DOCK8: variants seen among roughly 807,000 people sequenced by gnomAD.
DOCK8 encodes the protein dedicator of cytokinesis 8.
DOCK8 carries 141 observed loss-of-function variants against 245.6 expected under a neutral mutation model. The observed-to-expected ratio is 0.57, with a 90% CI of 0.50 to 0.66. The LOEUF is 0.66. DOCK8 is among the 30% of genes least tolerant of loss of function. DOCK8 has a pLI of 0.00. For missense variants in DOCK8, 2,965 were observed against 2,603.4 expected (o/e 1.14, Z -3.02); for synonymous variants, 1,168 against 970.2 (o/e 1.20, Z -3.79).
intron 1 of DOCK8, among the ~76,000 whole-genome samples, chr9:266,641 T>C (rs944796786): frequency 5.3e-5 from 8 of 152,162 alleles, no homozygotes; most frequent in Non-Finnish European, 8.8e-5. Context: ...GTAGTCCCAA[T>C]TGTATATCAT....
intron 14 of DOCK8, chr9:366,586 C>T (rs1318836751): frequency 6.6e-6 from 1 of 152,154 alleles, no homozygotes; most frequent in Non-Finnish European, 1.5e-5. Flanking sequence ...CAAATAATTT[C>T]TCAGAATGTT....
chr9:452,599 A>G (rs2131891821), intron 46 of DOCK8: 1 of 153,344 alleles, frequency 6.5e-6, no homozygotes, highest in South Asian at 2.0e-4. Context: ...CAATGTGCTG[A>G]TATTCCACTG....
chr9:413,854 C>G (rs538184843), intron 28 of DOCK8, among the ~76,000 whole-genome samples: 1 of 152,174 alleles, frequency 6.6e-6, no homozygotes, highest in Non-Finnish European at 1.5e-5. Context: ...AAAAGTTAAA[C>G]AGAGGCTGGG....
At chr9:426,854 C>A (rs772190813) in intron 33 of DOCK8, 31 bp from the exon 34 acceptor site, 18 of 1,591,564 alleles carry the variant, frequency 1.1e-5, no homozygotes, top group Admixed American at 1.7e-5. Context: ...GTTTGACATG[C>A]GCTTTAATTT....
chr9:233,012 C>G (rs2047155186), intron 1 of DOCK8, among the ~76,000 whole-genome samples: 1 of 152,042 alleles, frequency 6.6e-6, no homozygotes. Context: ...TGGATCTTTC[C>G]TGCTTTCTCT....
intron 1 of DOCK8, among the ~76,000 whole-genome samples, chr9:226,862 C>T (rs1051490171): frequency 6.6e-6 from 1 of 152,040 alleles, no homozygotes. Flanking sequence ...AAGTCAATAC[C>T]AAACATATTT....
chr9:288,036 A>G (rs545768367), intron 3 of DOCK8, among the ~76,000 whole-genome samples: 1 of 151,674 alleles, frequency 6.6e-6, no homozygotes, highest in Non-Finnish European at 1.5e-5. Flanking sequence ...AAACAGTACA[A>G]TGAATTTAGA....
intron 37 of DOCK8, among the ~76,000 whole-genome samples, chr9:432,885 ACAGT>A (rs1223263553): frequency 1.3e-5 from 2 of 152,176 alleles, no homozygotes; most frequent in Non-Finnish European, 2.9e-5. Context: ...ATGTGTAAGG[ACAGT>A]CATCTCTTCC....
At chr9:273,032 A>G (rs956827872) in intron 2 of DOCK8, 2 of 985,462 alleles carry the variant, frequency 2.0e-6, no homozygotes, top group Non-Finnish European at 2.4e-6. Flanking sequence ...CCTTCCGCTC[A>G]GTTTCCGGTA....
intron 1 of DOCK8, among the ~76,000 whole-genome samples, chr9:267,202 GTTTGTT>G (rs757865795): frequency 1.3e-5 from 2 of 152,134 alleles, no homozygotes; most frequent in Non-Finnish European, 2.9e-5. Context: ...TATGCAATTT[GTTTGTT>G]TTTGTTTTTG....
intron 2 of DOCK8, among the ~76,000 whole-genome samples, chr9:283,720 G>C (rs183436859): frequency 1.6e-4 from 25 of 152,238 alleles, no homozygotes; most frequent in Non-Finnish European, 2.6e-4. Flanking sequence ...CAAGAGACAT[G>C]ATTTCATTCT....
At chr9:294,243 A>G (rs2130432566) in intron 4 of DOCK8, among the ~76,000 whole-genome samples, 1 of 152,368 alleles carries the variant, frequency 6.6e-6, no homozygotes, top group African/African-American at 2.4e-5. Context: ...TGCAAATAAT[A>G]CTGAAACAAA....
rs1306465326 is a variant in DOCK8 at position 405,003 on chromosome 9, T to C, written c.3320T>C (p.Leu1107Pro). Residue 1107 changes from leucine to proline, a missense_variant, in exon 27 of 48, where the codon CTC (leucine) becomes CCC (proline). Coordinates refer to ENST00000432829, the MANE Select transcript of DOCK8 (RefSeq NM_203447.4). ...ATCCTCTGTAGCCATGAGCATTACC[T>C]CAATCTGAACCTTTTTTTTATGAAT... The part of the protein sequence containing the change: ...LRILCSHEHY[L>P]NLNLFFMNAD... The C allele has an allele frequency of 6.2e-7, 1 of 1,614,028 alleles. No individual in the cohort carries two copies. Among genetic ancestry groups the C allele is most frequent in the Admixed American group, 1.7e-5 (1 of 60,020 alleles).
intron 46 of DOCK8, among the ~76,000 whole-genome samples, chr9:463,177 G>A (rs1301462054): frequency 6.6e-6 from 1 of 151,948 alleles, no homozygotes. Flanking sequence ...GGATCACTGG[G>A]GCCCAGGAGG....
At chr9:236,799 T>C (rs138995923) in intron 1 of DOCK8, among the ~76,000 whole-genome samples, 1 of 152,330 alleles carries the variant, frequency 6.6e-6, no homozygotes, top group African/African-American at 2.4e-5. Flanking sequence ...GCTGCTTCCA[T>C]CTTACAGCTC....
At chr9:374,669 C>T (rs1162455237) in intron 18 of DOCK8, among the ~76,000 whole-genome samples, 2 of 149,144 alleles carry the variant, frequency 1.3e-5, no homozygotes, top group Admixed American at 1.3e-4. Flanking sequence ...TCTTGCTATG[C>T]TGCTCAGGCT....
chr9:325,220 G>T (rs1370008840), intron 7 of DOCK8, among the ~76,000 whole-genome samples: 6 of 152,148 alleles, frequency 3.9e-5, no homozygotes, highest in African/African-American at 1.2e-4. Context: ...TCATTGGTTG[G>T]TGGGCAATTA....
At chr9:328,941 C>CTTTTTTTTTTTTTTTTTTTT (rs1165346763) in intron 9 of DOCK8, among the ~76,000 whole-genome samples, 2 of 71,402 alleles carry the variant, frequency 2.8e-5, no homozygotes, top group Non-Finnish European at 5.4e-5. Context: ...CTTATTGATT[C>CTTTTTTTTTTTTTTTTTTTT]TTTTTTTTTT....
At chr9:274,227 A>G (rs1037186180) in intron 2 of DOCK8, among the ~76,000 whole-genome samples, 5 of 152,166 alleles carry the variant, frequency 3.3e-5, no homozygotes, top group African/African-American at 1.2e-4. Context: ...TAAGATATCA[A>G]GAAACCAGCA....
Sources: gnomAD v4.1 joint callset for allele counts (sites outside exome capture counted in the v4.1 genomes callset) on GRCh38, gnomAD v4.1.1 for gene constraint, MANE v1.5 for transcripts, NCBI Gene and HGNC (gene_info 2026-07-23, HGNC 2026-07-21) for gene names.